Variants in IAH1 observed in about 807,000 individuals in gnomAD.
IAH1 encodes isoamyl acetate-hydrolyzing esterase 1 homolog.
Under a neutral mutation model 26.7 loss-of-function variants are expected in IAH1, and 24 were observed. The ratio of observed to expected loss-of-function variants is 0.90; its 90% CI spans 0.65 to 1.26. IAH1 has a LOEUF of 1.26. Ranked by LOEUF, IAH1 falls within the 50% of genes most tolerant of loss-of-function variation. The pLI is 0.00. For synonymous variants in IAH1, 140 were observed against 118.5 expected (o/e 1.18, Z -1.18); for missense variants, 300 against 299.9 (o/e 1.00, Z 0.00).
the IAH1 span, among the ~76,000 whole-genome samples, chr2:9,506,586 C>T: frequency 3.3e-5 from 5 of 151,606 alleles, no homozygotes; most frequent in South Asian, 4.2e-4. Context: ...AGGATGGTCT[C>T]GATCTCTTGA....
At chr2:9,499,947 A>G (rs1662901809), downstream of IAH1, among the ~76,000 whole-genome samples, 1 of 152,234 alleles carries the variant, frequency 6.6e-6, no homozygotes, top group African/African-American at 2.4e-5. Context: ...GGACCCTCAT[A>G]CAATGCTGCT....
the IAH1 span, chr2:9,509,849 G>A: frequency 2.5e-6 from 3 of 1,195,068 alleles, no homozygotes; most frequent in Non-Finnish European, 2.3e-6. Flanking sequence ...CACGTTTCAA[G>A]GTACTTTGTA....
At chr2:9,498,453 G>GA (rs756351254), downstream of IAH1, among the ~76,000 whole-genome samples, 5 of 151,962 alleles carry the variant, frequency 3.3e-5, no homozygotes, top group African/African-American at 9.6e-5. Flanking sequence ...TAGAGGAGGA[G>GA]AAAAAAAACA....
In IAH1 at chr2:9,489,105, G is replaced by A. The variant is rs1025622731; in HGVS notation, c.*776G>A. ...GGGACAGCCCCCAACCCTAAGGGCA[G>A]GTAGTATTCTATCTCCTGGCTGGCT... On this transcript the variant is annotated 3_prime_UTR_variant, in exon 6 of 6. Transcript: ENST00000497473. The A allele has an allele frequency of 4.6e-5, 7 of 152,068 alleles. No individual in the cohort carries two copies. The highest frequency in any genetic ancestry group is 1.7e-4 in the African/African-American group (7 of 41,392). 9.4% of individuals were successfully genotyped at this position (152,068 alleles called of 1,614,324 possible). A position where few individuals can be genotyped will look rare whatever the true frequency, so the allele number is the denominator to read the frequency against.
At chr2:9,510,098 G>T in the IAH1 span, 7 of 1,614,106 alleles carry the variant, frequency 4.3e-6, no homozygotes, top group Non-Finnish European at 5.9e-6. Flanking sequence ...CCAAAATTAT[G>T]TCCCAATTCA....
At chr2:9,508,185 T>G in the IAH1 span, among the ~76,000 whole-genome samples, 1 of 152,212 alleles carries the variant, frequency 6.6e-6, no homozygotes, top group Non-Finnish European at 1.5e-5. Flanking sequence ...CAGTATGCAA[T>G]ATGGTAGCCA....
chr2:9,511,062 T>C, the IAH1 span, among the ~76,000 whole-genome samples: 1 of 152,148 alleles, frequency 6.6e-6, no homozygotes, highest in Non-Finnish European at 1.5e-5. Context: ...CTGTAGTTAA[T>C]TGTCCAGCCT....
chr2:9,502,400 A>G, the IAH1 span: 4 of 746,902 alleles, frequency 5.4e-6, no homozygotes, highest in Middle Eastern at 3.8e-4. Flanking sequence ...TCCGTCACCC[A>G]CTCCTACATC....
downstream of IAH1, chr2:9,496,568 C>G (rs1174907171): frequency 6.5e-6 from 1 of 152,850 alleles, no homozygotes; most frequent in Non-Finnish European, 1.5e-5. Flanking sequence ...GCACAGAAAC[C>G]TAAGGAAAAC....
chr2:9,487,808 G>T (rs1427416684), intron 5 of IAH1, among the ~76,000 whole-genome samples: 6 of 92,246 alleles, frequency 6.5e-5, no homozygotes, highest in African/African-American at 1.7e-4. Flanking sequence ...GTGTGTGTGT[G>T]TGTGTGTGTG....
chr2:9,487,139 G>A (rs762597702), intron 5 of IAH1, among the ~76,000 whole-genome samples: 27 of 152,112 alleles, frequency 1.8e-4, no homozygotes, highest in African/African-American at 5.3e-4. Flanking sequence ...TGCTCAGGGG[G>A]CTGAGGTTAG....
intron 4 of IAH1, among the ~76,000 whole-genome samples, chr2:9,481,741 G>T (rs935016110): frequency 5.3e-5 from 8 of 152,120 alleles, no homozygotes; most frequent in African/African-American, 1.7e-4. Flanking sequence ...AGGCCACTGA[G>T]ATCTGTGTAG....
the IAH1 span, chr2:9,510,171 C>T: frequency 1.9e-6 from 3 of 1,608,740 alleles, no homozygotes; most frequent in Non-Finnish European, 2.5e-6. Context: ...TCTCAATATC[C>T]AGCCATCACC....
chr2:9,501,873 A>G, the IAH1 span, among the ~76,000 whole-genome samples: 2 of 152,142 alleles, frequency 1.3e-5, no homozygotes, highest in Non-Finnish European at 2.9e-5. Flanking sequence ...AAACACATAC[A>G]TGCACAAAAT....
chr2:9,497,265 G>A (rs376793860), downstream of IAH1: 3 of 1,613,450 alleles, frequency 1.9e-6, no homozygotes, highest in Non-Finnish European at 8.5e-7. Flanking sequence ...GCAAACACCA[G>A]TCATAACAAA....
At chr2:9,493,547 CTG>C (rs1361861119), downstream of IAH1, among the ~76,000 whole-genome samples, 1 of 152,202 alleles carries the variant, frequency 6.6e-6, no homozygotes, top group African/African-American at 2.4e-5. Flanking sequence ...GTCAGAAAAT[CTG>C]TGCATCCAAG....
chr2:9,497,032 C>T, downstream of IAH1: 21 of 1,558,398 alleles, frequency 1.3e-5, no homozygotes, highest in South Asian at 8.6e-5. Context: ...GTCATTCGCA[C>T]AACCTCCAAA....
chr2:9,509,360 T>C, the IAH1 span, among the ~76,000 whole-genome samples: 1 of 152,242 alleles, frequency 6.6e-6, no homozygotes, highest in East Asian at 1.9e-4. Flanking sequence ...TTAAAGTCTC[T>C]GAAAGTGTTT....
chr2:9,507,271 C>A, the IAH1 span, among the ~76,000 whole-genome samples: 7 of 152,278 alleles, frequency 4.6e-5, no homozygotes, highest in East Asian at 1.4e-3. Context: ...AGGTGGATCA[C>A]CTGAGGTCAG....
Sources: gnomAD v4.1 joint callset for allele counts (sites outside exome capture counted in the v4.1 genomes callset) on GRCh38, gnomAD v4.1.1 for gene constraint, MANE v1.5 for transcripts, NCBI Gene and HGNC (gene_info 2026-07-23, HGNC 2026-07-21) for gene names.